DNAH12: variants seen among roughly 807,000 people sequenced by gnomAD.
The protein encoded by DNAH12 is axonemal beta dynein heavy chain 12.
Under a neutral mutation model 371.5 loss-of-function variants are expected in DNAH12, and 285 were observed. That is an observed-to-expected ratio of 0.77 (90% CI 0.70 to 0.85). DNAH12 has a LOEUF of 0.85. Among genes scored for constraint, DNAH12 ranks in the 40% least tolerant of loss-of-function variants. The pLI, the probability that DNAH12 is intolerant of heterozygous loss-of-function variation, is 0.00. For missense variants in DNAH12, 3,611 were observed against 3,689.4 expected (o/e 0.98, Z 0.55); for synonymous variants, 1,200 against 1,213.0 (o/e 0.99, Z 0.22).
At position 57,405,716 on chromosome 3, in the gene DNAH12, T is replaced by C. The variant is rs2064003379; in HGVS notation, c.6513A>G (p.Ile2171Met). 1.3e-6 allele frequency: 2 copies of C among 1,551,680 alleles called. No homozygotes were observed. ...RWLFQLTKTV[I>M]KDHFKESFHS... ...GAAATGATTCTTTAAAATGGTCCTT[T>C]ATAACAGTTTTAGTTAACTGGAACA... The change falls in exon 41 of 74, where the codon ATA becomes ATG. Residue 2171 changes from isoleucine to methionine, a missense_variant. Ile to Met is a conservative substitution (Grantham distance 10). This residue lies in a region of DNAH12 where 2,266 missense variants were observed against 2,236.9 expected (regional missense o/e 1.01). Coordinates refer to ENST00000495027, the MANE Select transcript of DNAH12 (RefSeq NM_001366028.2).
chr3:57,545,524 G>A (rs560729473), upstream of DNAH12, among the ~76,000 whole-genome samples: 2 of 150,680 alleles, frequency 1.3e-5, no homozygotes, highest in South Asian at 4.2e-4. Flanking sequence ...AATTTGTTAG[G>A]GTTTATTTTT....
At chr3:57,455,436 G>C (rs951775494) in intron 22 of DNAH12, among the ~76,000 whole-genome samples, 45 of 151,860 alleles carry the variant, frequency 3.0e-4, no homozygotes, top group African/African-American at 1.1e-3. Flanking sequence ...TGGGCATGGT[G>C]GTGGGCACCT....
intron 13 of DNAH12, among the ~76,000 whole-genome samples, chr3:57,474,304 A>AT (rs2066455891): frequency 1.3e-5 from 2 of 151,666 alleles, no homozygotes; most frequent in African/African-American, 4.8e-5. Context: ...AAAGTTAAAA[A>AT]TTTTTTTTTG....
chr3:57,451,978 G>C lies in DNAH12; in HGVS notation c.3786+865C>G, dbSNP rs115475881. Among the ~76,000 whole-genome samples the C allele has an allele frequency of 7.5e-3, 1,143 of 152,256 alleles. 15 individuals are homozygous for C. The highest frequency in any genetic ancestry group is 0.026 in the African/African-American group (1,076 of 41,548). Reference sequence around the variant, plus strand: ...TCAAGCTGCGTACTTGATCTCTCAAGTCACTCACTTGGGCCTCCTTGAAGT... The same window carrying C: ...TCAAGCTGCGTACTTGATCTCTCAACTCACTCACTTGGGCCTCCTTGAAGT... On this transcript the variant is annotated intron_variant, in intron 25 of 73. Coordinates refer to ENST00000495027, the MANE Select transcript of DNAH12 (RefSeq NM_001366028.2).
At chr3:57,411,526 C>CAAAAAAAAAAAA (rs57344840) in intron 39 of DNAH12, among the ~76,000 whole-genome samples, 3 of 39,142 alleles carry the variant, frequency 7.7e-5, no homozygotes, top group Non-Finnish European at 1.0e-4. Context: ...GACACTGTCT[C>CAAAAAAAAAAAA]AAAAAAAAAA....
At chr3:57,381,204 C>A (rs1173776550) in intron 50 of DNAH12, among the ~76,000 whole-genome samples, 2 of 150,408 alleles carry the variant, frequency 1.3e-5, no homozygotes, top group Non-Finnish European at 3.0e-5. Flanking sequence ...GCTGAAAGTT[C>A]TTTTTTTCTA....
rs905945115 is a variant in DNAH12 at position 57,301,926 on chromosome 3, T to C, written c.11203A>G (p.Ile3735Val). Residue 3735 changes from isoleucine (I) to valine (V), a missense_variant, in exon 70 of 74, where the codon ATA becomes GTA. Physicochemically the swap from Ile to Val is conservative, Grantham distance 29. Transcript: ENST00000495027. ...MERFNNLIIT[I>V]RNTLRDLEKA... Reference sequence around the variant, plus strand: ...TCAAGGTCCCGTAGAGTGTTACGTATAGTTATAATTAAACTGCAATGAAAG... The same window carrying C: ...TCAAGGTCCCGTAGAGTGTTACGTACAGTTATAATTAAACTGCAATGAAAG... 7.1e-6 allele frequency: 11 copies of C among 1,551,426 alleles called. No homozygotes were observed. The highest frequency in any genetic ancestry group is 2.7e-5 in the African/African-American group (2 of 73,020).
intron 13 of DNAH12, 23 bp from the exon 14 acceptor site, chr3:57,472,694 A>G (rs199700581): frequency 1.9e-6 from 3 of 1,541,448 alleles, no homozygotes; most frequent in East Asian, 2.5e-5. Context: ...CTCTGGATAT[A>G]ATATGTCATA....
At chr3:57,325,255 G>A (rs532318647) in intron 62 of DNAH12, among the ~76,000 whole-genome samples, 1 of 152,308 alleles carries the variant, frequency 6.6e-6, no homozygotes, top group African/African-American at 2.4e-5. Context: ...TCTGAGAACG[G>A]GCAGACTGCC....
intron 44 of DNAH12, among the ~76,000 whole-genome samples, chr3:57,393,387 G>A (rs1004125343): frequency 6.6e-6 from 1 of 152,056 alleles, no homozygotes; most frequent in East Asian, 1.9e-4. Context: ...CAGCACTTTG[G>A]GGGGCCGAGG....
chr3:57,425,789 C>CATTT, intron 34 of DNAH12, among the ~76,000 whole-genome samples: 2 of 151,816 alleles, frequency 1.3e-5, no homozygotes, highest in Non-Finnish European at 2.9e-5. Flanking sequence ...AAGAGCCATT[C>CATTT]ATTTATTTAT....
At chr3:57,370,478 C>G (rs1293803664) in intron 55 of DNAH12, among the ~76,000 whole-genome samples, 1 of 152,126 alleles carries the variant, frequency 6.6e-6, no homozygotes, top group Non-Finnish European at 1.5e-5. Context: ...GAAGCTTGAA[C>G]CCAAATGTCC....
intron 55 of DNAH12, among the ~76,000 whole-genome samples, chr3:57,371,525 T>C (rs2063168697): frequency 1.3e-5 from 2 of 151,946 alleles, no homozygotes; most frequent in South Asian, 4.2e-4. Context: ...CTGTTAAAAA[T>C]GATGGGAGGT....
chr3:57,352,552 G>A (rs1359527391), intron 59 of DNAH12, among the ~76,000 whole-genome samples: 1 of 151,712 alleles, frequency 6.6e-6, no homozygotes, highest in African/African-American at 2.4e-5. Context: ...AAAATGTAGG[G>A]TATAATTCTC....
chr3:57,314,212 C>A (rs1484032320), intron 66 of DNAH12, among the ~76,000 whole-genome samples: 1 of 152,158 alleles, frequency 6.6e-6, no homozygotes, highest in East Asian at 1.9e-4. Flanking sequence ...GATGACAACA[C>A]TGTGATGTTG....
At chr3:57,437,149 TA>T (rs78888096) in intron 29 of DNAH12, 89 bp from the exon 30 acceptor site, 112,740 of 794,872 alleles carry the variant, frequency 0.14, 9,045 homozygotes, top group South Asian at 0.21. Context: ...ATTTACTAGT[TA>T]AAAAAAAACT....
At chr3:57,425,687 G>A (rs546092281) in intron 34 of DNAH12, among the ~76,000 whole-genome samples, 4 of 152,110 alleles carry the variant, frequency 2.6e-5, no homozygotes, top group South Asian at 2.1e-4. Context: ...TTGTACAATC[G>A]CACATAATAC....
Position 57,374,686 on chromosome 3 carries a change from T to C in DNAH12, c.8759+685A>G, listed in dbSNP as rs906128016. Among the ~76,000 whole-genome samples, 83 of 152,250 alleles carry C rather than the reference T, an allele frequency of 5.5e-4. 1 individual carries two copies. In the East Asian group the frequency reaches 0.013, roughly 24 times the overall value. On this transcript the variant is annotated intron_variant, in intron 55 of 73. Transcript: ENST00000495027. ...GTAGGAGAATACATAAACAGTGATA[T>C]ATTCATAAAATGGAACTCAGCAACA...
At chr3:57,445,487 A>G (rs1296325150) in intron 27 of DNAH12, 68 bp from the exon 28 acceptor site, 1 of 1,304,538 alleles carries the variant, frequency 7.7e-7, no homozygotes, top group African/African-American at 1.5e-5. Context: ...GAGCATAAGT[A>G]TTCAAAGGTG....
Sources: gnomAD v4.1 joint callset for allele counts (sites outside exome capture counted in the v4.1 genomes callset) on GRCh38, gnomAD v4.1.1 for gene constraint, gnomAD v4.1.1 regional missense constraint, MANE v1.5 for transcripts, NCBI Gene and HGNC (gene_info 2026-07-23, HGNC 2026-07-21) for gene names.